The following MIA3 variants were observed in gnomAD, a reference collection of about 807,000 sequenced individuals.
The protein encoded by MIA3 is transport and Golgi organization protein 1 homolog.
A neutral mutation model predicts 192.4 loss-of-function variants in MIA3; 90 were observed. The ratio of observed to expected loss-of-function variants is 0.47; its 90% CI spans 0.39 to 0.56. The LOEUF is 0.56. Among genes scored for constraint, MIA3 ranks in the 20% least tolerant of loss-of-function variants. The pLI, the probability that MIA3 is intolerant of heterozygous loss-of-function variation, is 0.00. For missense variants in MIA3, 2,123 were observed against 2,269.4 expected (o/e 0.94, Z 1.31); for synonymous variants, 740 against 792.8 (o/e 0.93, Z 1.12).
chr1:222,627,979 G>A lies in MIA3; in HGVS notation c.759G>A (p.Gln253=). ...ACAACAAAACCAGCAATAGTTCTCA[G>A]GTCTCAAATGAACAGGATAAGATTG... ...SENNKTSNSS[Q]VSNEQDKIDA... Residue 253 remains glutamine, a synonymous_variant, in exon 4 of 28, where the codon CAG becomes CAA. Coordinates refer to ENST00000344922, the MANE Select transcript of MIA3 (RefSeq NM_198551.4). The A allele has an allele frequency of 6.2e-7, 1 of 1,614,074 alleles. No individual in the cohort carries two copies. The highest frequency in any genetic ancestry group is 8.5e-7 in the Non-Finnish European group (1 of 1,180,014).
chr1:222,653,886 T>C (rs1663569058), intron 15 of MIA3, among the ~76,000 whole-genome samples: 1 of 152,210 alleles, frequency 6.6e-6, no homozygotes. Context: ...TCTCTCAAGT[T>C]GGATATTGCT....
chr1:222,650,987 C>CTGTTATGTGA, intron 11 of MIA3, 84 bp downstream of exon 11: 1 of 800,438 alleles, frequency 1.2e-6, no homozygotes, highest in East Asian at 2.6e-5. Flanking sequence ...ATTTTCCATG[C>CTGTTATGTGA]TGTTATGTGA....
chr1:222,634,770 C>G (rs536539642), intron 6 of MIA3, among the ~76,000 whole-genome samples: 4 of 152,118 alleles, frequency 2.6e-5, no homozygotes, highest in East Asian at 3.8e-4. Context: ...TAGGAAAGAG[C>G]GTTCTTGTTG....
At chr1:222,625,939 G>A (rs988794710) in intron 3 of MIA3, among the ~76,000 whole-genome samples, 1 of 152,048 alleles carries the variant, frequency 6.6e-6, no homozygotes, top group Admixed American at 6.6e-5. Flanking sequence ...AGGTTTCACC[G>A]TGTTGGCCAG....
intron 9 of MIA3, 84 bp downstream of exon 9, chr1:222,650,464 T>A: frequency 1.2e-6 from 1 of 837,394 alleles, no homozygotes; most frequent in Non-Finnish European, 1.9e-6. Context: ...GTTACTATGG[T>A]ATTTTTAAAT....
intron 18 of MIA3, among the ~76,000 whole-genome samples, chr1:222,656,493 C>T (rs1339092918): frequency 6.6e-6 from 1 of 151,910 alleles, no homozygotes; most frequent in Non-Finnish European, 1.5e-5. Flanking sequence ...ATGTTTTATG[C>T]CTGCCCTAGC....
In MIA3 at chr1:222,630,042, A is replaced by C. The variant is rs1662324912; in HGVS notation, c.2822A>C (p.Lys941Thr). The change falls in exon 4 of 28, where the codon AAG becomes ACG. Residue 941 changes from lysine to threonine, a missense_variant. Transcript: ENST00000344922. Reference sequence around the variant, plus strand: ...CAACAGTCTTTGCAGCGGTTCCAGAAGTACTTTAATGTCCATGAGCTGGAA... The same window carrying C: ...CAACAGTCTTTGCAGCGGTTCCAGACGTACTTTAATGTCCATGAGCTGGAA... ...KEQQSLQRFQ[K>T]YFNVHELEAL... The C allele has an allele frequency of 6.2e-7, 1 of 1,614,164 alleles. No individual in the cohort carries two copies. Among genetic ancestry groups the C allele is most frequent in the Non-Finnish European group, 8.5e-7 (1 of 1,180,028 alleles).
At position 222,627,658 on chromosome 1, in the gene MIA3, G is replaced by A. The variant is rs942128379; in HGVS notation, c.438G>A (p.Leu146=). 1.2e-6 allele frequency: 2 copies of A among 1,610,908 alleles called. No individual in the cohort carries two copies. The highest frequency in any genetic ancestry group is 2.7e-5 in the African/African-American group (2 of 74,564). The change falls in exon 4 of 28, where the codon CTG becomes CTA. Residue 146 remains leucine, a synonymous_variant. Coordinates refer to ENST00000344922, the MANE Select transcript of MIA3 (RefSeq NM_198551.4). ...AAGAACTTTTAGGGTTTTTGGAACT[G>A]TACAATTCTGCAGCTACAGATTCTG... is the stretch of plus-strand genomic sequence containing the variant. ...NVEELLGFLE[L]YNSAATDSEK...
At chr1:222,659,875 C>A (rs771394806) in intron 22 of MIA3, 31 bp from the exon 23 acceptor site, 46 of 1,596,280 alleles carry the variant, frequency 2.9e-5, no homozygotes, top group Admixed American at 2.5e-4. Context: ...ATATTTAACT[C>A]TTTCTTAAAT....
chr1:222,645,468 A>T, intron 6 of MIA3, 86 bp from the exon 7 acceptor site: 1 of 1,288,126 alleles, frequency 7.8e-7, no homozygotes, highest in Non-Finnish European at 1.1e-6. Flanking sequence ...TTGGTTTAGA[A>T]TTTCTGTGAA....
intron 24 of MIA3, chr1:222,660,847 A>G (rs1663972968): frequency 1.3e-5 from 2 of 152,840 alleles, no homozygotes; most frequent in South Asian, 4.1e-4. Context: ...TCTATTTTAA[A>G]AAGTTAAAAT....
intron 7 of MIA3, among the ~76,000 whole-genome samples, chr1:222,648,541 T>G (rs1427707906): frequency 2.0e-5 from 3 of 152,228 alleles, no homozygotes; most frequent in Non-Finnish European, 4.4e-5. Flanking sequence ...AGTTAAGTGC[T>G]CATTTCGTAA....
Position 222,654,437 on chromosome 1 carries a change from C to T in MIA3, c.4426C>T (p.Leu1476Phe), listed in dbSNP as rs773167154. The T allele has an allele frequency of 1.2e-6, 2 of 1,613,774 alleles. No homozygotes were observed. The highest frequency in any genetic ancestry group is 1.7e-6 in the Non-Finnish European group (2 of 1,179,934). ...TGAAGAGGATCTAAAGCTTTTACAG[C>T]TTAAGCTAAGAGCCTCCGTGTCCAC... ...VVEEDLKLLQ[L>F]KLRASVSTKC... The change falls in exon 17 of 28, where the codon CTT becomes TTT. Residue 1476 changes from leucine (L) to phenylalanine (F), a missense_variant. Coordinates refer to ENST00000344922, the MANE Select transcript of MIA3 (RefSeq NM_198551.4).
rs560943807 is a variant in MIA3 at position 222,663,807 on chromosome 1, C to T, written c.5263-191C>T. Among the ~76,000 whole-genome samples, 9 of 152,290 alleles carry T rather than the reference C, an allele frequency of 5.9e-5. No individual in the cohort carries two copies. In the South Asian group the frequency reaches 1.9e-3, roughly 32 times the overall value. On this transcript the variant is annotated intron_variant, in intron 26 of 27. Coordinates refer to ENST00000344922, the MANE Select transcript of MIA3 (RefSeq NM_198551.4). Reference sequence around the variant, plus strand: ...AATATGATACAGCAAGTGTTCACTCCTGTGGCATACTTTTAACCTTTCTAA... The same window carrying T: ...AATATGATACAGCAAGTGTTCACTCTTGTGGCATACTTTTAACCTTTCTAA...
At chr1:222,622,854 G>T (rs1232266083) in intron 2 of MIA3, among the ~76,000 whole-genome samples, 1 of 152,008 alleles carries the variant, frequency 6.6e-6, no homozygotes, top group Non-Finnish European at 1.5e-5. Flanking sequence ...AGTCTTTCTG[G>T]GTCACACCTC....
At position 222,628,860 on chromosome 1, in the gene MIA3, A is replaced by G; in HGVS notation, c.1640A>G (p.Glu547Gly). ...KGMLHEEKPG[E>G]QILEGGSESE... ...ATGCTCCACGAAGAAAAGCCTGGAG[A>G]GCAGATTTTGGAAGGTGGCTCAGAG... Residue 547 changes from glutamate to glycine, a missense_variant, in exon 4 of 28, where the codon GAG becomes GGG. Glu to Gly is a moderately conservative substitution (Grantham distance 98). Transcript: ENST00000344922. The G allele has an allele frequency of 1.2e-6, 2 of 1,614,162 alleles. No individual in the cohort carries two copies. Among genetic ancestry groups the G allele is most frequent in the South Asian group, 1.1e-5 (1 of 91,084 alleles).
Position 222,650,694 on chromosome 1 carries a change from G to A in MIA3, c.3781G>A (p.Glu1261Lys). ...TRKQNMILSD[E>K]AIKYKDKIKT... ...GAAACAAAATATGATTCTCTCTGAT[G>A]AAGCAATTAAATATAAGGTAAAAAC... The change falls in exon 10 of 28, where the codon GAA becomes AAA. Residue 1261 changes from glutamate (E) to lysine (K), a missense_variant. By Grantham distance (56) the Glu-to-Lys change is moderately conservative (BLOSUM62 1). This residue lies in a region of MIA3 where 762 missense variants were observed against 856.4 expected (regional missense o/e 0.89). Transcript: ENST00000344922. 1.3e-6 allele frequency: 2 copies of A among 1,598,208 alleles called. No homozygotes were observed. Among genetic ancestry groups the A allele is most frequent in the East Asian group, 4.5e-5 (2 of 44,614 alleles).
rs776000491 is a variant in MIA3, at chr1:222,654,294, C to T, written c.4373C>T (p.Ser1458Phe). 8.7e-6 allele frequency: 14 copies of T among 1,613,848 alleles called. No individual in the cohort carries two copies. The highest frequency in any genetic ancestry group is 9.3e-6 in the Non-Finnish European group (11 of 1,179,936). Residue 1458 changes from serine to phenylalanine, a missense_variant, in exon 16 of 28, where the codon TCT becomes TTT. Physicochemically the swap from Ser to Phe is radical, Grantham distance 155. Around this residue, in one of 3 missense-constraint regions of MIA3, gnomAD observed 762 missense variants for 856.4 expected, o/e 0.89. Transcript: ENST00000344922. ...CAAATTAAGCAGATGATGGATGTCT[C>T]TCGGGTATAATCGTTTTTAGAGTCC... ...KNQIKQMMDV[S>F]RTQTAISVVE... is the part of the protein sequence containing the mutation.
rs777800524 is a variant in MIA3, at chr1:222,652,015, T to A, written c.3948T>A (p.Asp1316Glu). ...ENKKSIEKLK[D>E]VISMNASEFS... ...AGAAATCTATAGAGAAGTTAAAGGA[T>A]GTTATTTCAATGAATGCCTCAGAAT... The change falls in exon 12 of 28, where the codon GAT becomes GAA. Residue 1316 changes from aspartate (D) to glutamate (E), a missense_variant. Coordinates refer to ENST00000344922, the MANE Select transcript of MIA3 (RefSeq NM_198551.4). The A allele has an allele frequency of 3.2e-6, 5 of 1,579,942 alleles. No individual in the cohort carries two copies. The highest frequency in any genetic ancestry group is 4.4e-6 in the Non-Finnish European group (5 of 1,149,100).
Sources: allele counts gnomAD v4.1 joint callset (sites outside exome capture counted in the v4.1 genomes callset), GRCh38; gene constraint gnomAD v4.1.1; regional missense constraint gnomAD v4.1.1; transcripts MANE v1.5; gene names NCBI Gene and HGNC (gene_info 2026-07-23, HGNC 2026-07-21).